The following PACS2 variants were observed in gnomAD, a reference collection of about 807,000 sequenced individuals.
PACS2 encodes phosphofurin acidic cluster sorting protein 2, also known as PACS1-like protein.
A neutral mutation model predicts 113.0 loss-of-function variants in PACS2; 36 were observed. The observed-to-expected ratio is 0.32, with a 90% confidence interval of 0.24 to 0.42. The LOEUF (loss-of-function observed/expected upper bound fraction) is 0.42, where lower values mean the gene tolerates loss of function less well. Among genes scored for constraint, PACS2 ranks in the 10% least tolerant of loss-of-function variants. The pLI, the probability that PACS2 is intolerant of heterozygous loss-of-function variation, is 1.00. For synonymous variants in PACS2, 589 were observed against 536.1 expected (o/e 1.10, Z -1.36); for missense variants, 1,015 against 1,239.5 (o/e 0.82, Z 2.72).
intron 1 of PACS2, among the ~76,000 whole-genome samples, chr14:105,322,990 C>T (rs2058957079): frequency 6.6e-6 from 1 of 152,164 alleles, no homozygotes; most frequent in African/African-American, 2.4e-5. Flanking sequence ...CAGGTCCAGG[C>T]AGGGCGTCCC....
Position 105,392,530 on chromosome 14 carries a change from G to C in PACS2, c.2256-89G>C. ...TGGCAAGTTGGCACAGGTGCTGGCT[G>C]TCACCTCCTGGCCTGTCACAGGGAC... On this transcript the variant is annotated intron_variant, in intron 22 of 24. Coordinates refer to ENST00000447393, the MANE Select transcript of PACS2 (RefSeq NM_001100913.3). 3.3e-6 allele frequency: 4 copies of C among 1,198,890 alleles called. No individual in the cohort carries two copies. In the South Asian group the frequency reaches 5.6e-5, roughly 17 times the overall value. 74.3% of individuals were successfully genotyped at this position (1,198,890 alleles called of 1,614,324 possible). A position where few individuals can be genotyped will look rare whatever the true frequency, so the allele number is the denominator to read the frequency against.
At chr14:105,322,283 G>A (rs1033388661) in intron 1 of PACS2, among the ~76,000 whole-genome samples, 3 of 147,186 alleles carry the variant, frequency 2.0e-5, no homozygotes, top group Non-Finnish European at 4.5e-5. Flanking sequence ...TCTCTCTTTT[G>A]AGATGGAGTC....
intron 1 of PACS2, among the ~76,000 whole-genome samples, chr14:105,321,024 G>A (rs759281378): frequency 6.6e-5 from 10 of 152,240 alleles, no homozygotes; most frequent in African/African-American, 1.7e-4. Flanking sequence ...GTGGTGGCAC[G>A]CACCTGTAAT....
At chr14:105,346,415 C>A (rs2140990884) in intron 1 of PACS2, among the ~76,000 whole-genome samples, 1 of 152,016 alleles carries the variant, frequency 6.6e-6, no homozygotes, top group East Asian at 1.9e-4. Context: ...CTGCTCGCGT[C>A]TGCAGCCCTG....
intron 1 of PACS2, among the ~76,000 whole-genome samples, chr14:105,320,321 T>C (rs1212646391): frequency 1.3e-5 from 2 of 152,138 alleles, no homozygotes; most frequent in Non-Finnish European, 2.9e-5. Context: ...AAAATACTAG[T>C]TTAAGCATGT....
chr14:105,376,827 C>T lies in PACS2; in HGVS notation c.861C>T (p.Asp287=), dbSNP rs201353414. The change falls in exon 9 of 25, where the codon GAC becomes GAT. Residue 287 remains aspartate (D), a synonymous_variant. Coordinates refer to ENST00000447393, the MANE Select transcript of PACS2 (RefSeq NM_001100913.3). The surrounding 1 kb of genome is among the most constrained non-coding windows in gnomAD (Gnocchi z 4.7). The part of the protein sequence containing the change: ...EHIPEAEEDL[D]LLYDTLDMEH... ...TCCCCGAGGCAGAGGAGGACCTGGA[C>T]CTCCTGTATGACACCCTGGACATGG... is the stretch of plus-strand genomic sequence containing the variant. 2.2e-5 allele frequency: 36 copies of T among 1,613,238 alleles called. No homozygotes were observed. In the African/African-American group the frequency reaches 2.5e-4, roughly 11 times the overall value.
chr14:105,370,032 C>G (rs1418060906), intron 8 of PACS2, 132 bp downstream of exon 8: 7 of 791,336 alleles, frequency 8.8e-6, no homozygotes, highest in Non-Finnish European at 1.4e-5. Flanking sequence ...CCGCCAGCAT[C>G]GCACAGTCTG....
Position 105,396,101 on chromosome 14 carries a change from C to T in PACS2, c.*1429C>T, listed in dbSNP as rs1228589366. ...TGACCGCCCTGCTCTTCCTGGCCGCCCCCCCCAGGTGGCTGAACAGGGTGA... is the reference window on the plus strand; with the variant it reads ...TGACCGCCCTGCTCTTCCTGGCCGCTCCCCCCAGGTGGCTGAACAGGGTGA... On this transcript the variant is annotated 3_prime_UTR_variant, in exon 25 of 25. Coordinates refer to ENST00000447393, the MANE Select transcript of PACS2 (RefSeq NM_001100913.3). The T allele has an allele frequency of 6.6e-6, 1 of 152,360 alleles. No homozygotes were observed. The highest frequency in any genetic ancestry group is 1.5e-5 in the Non-Finnish European group (1 of 68,168). The allele number at this position is 152,360 out of a possible 1,614,324, so 9.4% of individuals were successfully genotyped here.
chr14:105,306,384 A>C (rs1181258097), intron 1 of PACS2, among the ~76,000 whole-genome samples: 1 of 151,722 alleles, frequency 6.6e-6, no homozygotes, highest in African/African-American at 2.4e-5. Context: ...ACTCAGTGCA[A>C]CCTCTGCCTC....
At chr14:105,379,058 G>A (rs1455370981) in intron 9 of PACS2, among the ~76,000 whole-genome samples, 2 of 151,932 alleles carry the variant, frequency 1.3e-5, no homozygotes, top group Non-Finnish European at 2.9e-5. Flanking sequence ...TGGGTGGTCC[G>A]GAAAGGCATG....
At chr14:105,334,852 C>G (rs1228651902) in intron 1 of PACS2, among the ~76,000 whole-genome samples, 1 of 152,278 alleles carries the variant, frequency 6.6e-6, no homozygotes, top group African/African-American at 2.4e-5. Context: ...CCCAGAGCCC[C>G]TCTGGTCTGG....
intron 8 of PACS2, chr14:105,374,789 G>A (rs2061287152): frequency 6.6e-6 from 1 of 152,246 alleles, no homozygotes. Context: ...TGCCTGCCAA[G>A]TCTTTGAGAA....
At chr14:105,326,305 AGT>A (rs2059104599) in intron 1 of PACS2, among the ~76,000 whole-genome samples, 1 of 152,130 alleles carries the variant, frequency 6.6e-6, no homozygotes, top group Non-Finnish European at 1.5e-5. Flanking sequence ...GCAGCAGTGG[AGT>A]TGAGGCTTCC....
chr14:105,387,920 C>A (rs1265247516), intron 19 of PACS2, among the ~76,000 whole-genome samples: 1 of 152,246 alleles, frequency 6.6e-6, no homozygotes, highest in Non-Finnish European at 1.5e-5. Flanking sequence ...GATTTCCAAA[C>A]ACTGGTCTGC....
rs1357071777 is a variant in PACS2 at position 105,319,041 on chromosome 14, G to A, written c.119+4004G>A. ...CAGCTCACTACAACCTCCACTTCCC[G>A]GGTTCAAGCAATTCTCCTGCCTCAG... On this transcript the variant is annotated intron_variant, in intron 1 of 24. Coordinates refer to ENST00000447393, the MANE Select transcript of PACS2 (RefSeq NM_001100913.3). Among the ~76,000 whole-genome samples the A allele has an allele frequency of 6.6e-5, 10 of 151,544 alleles. No homozygotes were observed. The East Asian group carries it at 7.7e-4, about 12-fold the overall frequency.
At chr14:105,380,280 TG>T in intron 11 of PACS2, 126 bp downstream of exon 11, 1 of 790,144 alleles carries the variant, frequency 1.3e-6, no homozygotes, top group Non-Finnish European at 2.0e-6. Flanking sequence ...TGTGCAGAGG[TG>T]GGGTCAGCCC....
At chr14:105,382,659 C>CAGGTGTGCCGGGTAGG in intron 14 of PACS2, 78 bp downstream of exon 14, 2 of 1,029,584 alleles carry the variant, frequency 1.9e-6, no homozygotes, top group Non-Finnish European at 3.0e-6. Flanking sequence ...GCCCCCTACC[C>CAGGTGTGCCGGGTAGG]GGCACACCTG....
rs1209503696 is a variant in PACS2 at position 105,340,989 on chromosome 14, T to A, written c.120-7504T>A. ...CATGGGGAGGCTCGCTACCAAGGGGTGGGGGGCTGGAGAACGGAGCTTGGA... is the reference window on the plus strand; with the variant it reads ...CATGGGGAGGCTCGCTACCAAGGGGAGGGGGGCTGGAGAACGGAGCTTGGA... On this transcript the variant is annotated intron_variant, in intron 1 of 24. Coordinates refer to ENST00000447393, the MANE Select transcript of PACS2 (RefSeq NM_001100913.3). The surrounding 1 kb of genome is among the most constrained non-coding windows in gnomAD (Gnocchi z 4.2). Among the ~76,000 whole-genome samples, 1 of 151,900 alleles carries A rather than the reference T, an allele frequency of 6.6e-6. No homozygotes were observed. Among genetic ancestry groups the A allele is most frequent in the Non-Finnish European group, 1.5e-5 (1 of 67,942 alleles).
intron 24 of PACS2, chr14:105,394,307 A>T (rs2081472233): frequency 9.1e-6 from 9 of 985,072 alleles, no homozygotes; most frequent in Non-Finnish European, 1.1e-5. Flanking sequence ...GCCCTGGGGG[A>T]AATGCTGCCC....
Sources: gnomAD v4.1 joint callset for allele counts (sites outside exome capture counted in the v4.1 genomes callset) on GRCh38, gnomAD v4.1.1 for gene constraint, Gnocchi (gnomAD v3.1) non-coding constraint, MANE v1.5 for transcripts, NCBI Gene and HGNC (gene_info 2026-07-23, HGNC 2026-07-21) for gene names.